DLGAP1: variants seen among roughly 807,000 people sequenced by gnomAD.
The protein encoded by DLGAP1 is DLG associated protein 1.
A neutral mutation model predicts 90.8 loss-of-function variants in DLGAP1; 11 were observed. The observed-to-expected ratio is 0.12, with a 90% CI of 0.08 to 0.20. DLGAP1 has a LOEUF of 0.20. Among genes scored for constraint, DLGAP1 ranks in the 10% least tolerant of loss-of-function variants. The probability of loss-of-function intolerance (pLI) is 1.00; values close to 1 mark genes in which losing one functional copy is unlikely to be tolerated. For missense variants in DLGAP1, 1,050 were observed against 1,333.8 expected, an observed-to-expected ratio of 0.79 and a Z score of 3.31; for synonymous variants, 558 against 540.7, an observed-to-expected ratio of 1.03 and a Z score of -0.44.
chr18:4,338,384 A>G (rs1287617441), intron 1 of DLGAP1, among the ~76,000 whole-genome samples: 2 of 152,220 alleles, frequency 1.3e-5, no homozygotes, highest in Non-Finnish European at 1.5e-5. Flanking sequence ...ATACTTCTGG[A>G]GTAAATAAAT....
chr18:3,676,410 T>C (rs1194222192), intron 7 of DLGAP1, among the ~76,000 whole-genome samples: 1 of 152,182 alleles, frequency 6.6e-6, no homozygotes, highest in Non-Finnish European at 1.5e-5. Context: ...AGAGCTGTTT[T>C]CCTTTCTTTT....
chr18:3,851,453 T>TAGA (rs1365619169), intron 4 of DLGAP1, among the ~76,000 whole-genome samples: 1 of 152,170 alleles, frequency 6.6e-6, no homozygotes, highest in Admixed American at 6.5e-5. Flanking sequence ...GAAACAATTG[T>TAGA]AGCAGCAGCA....
intron 1 of DLGAP1, among the ~76,000 whole-genome samples, chr18:4,366,707 A>G (rs56398398): frequency 0.31 from 46,983 of 149,660 alleles, 8,504 homozygotes; most frequent in South Asian, 0.49. Context: ...ACGTCCATGG[A>G]AAAAAAAAAA....
chr18:4,255,917 T>G (rs926028359), intron 1 of DLGAP1, among the ~76,000 whole-genome samples: 1 of 152,188 alleles, frequency 6.6e-6, no homozygotes, highest in Admixed American at 6.5e-5. Flanking sequence ...TTATTTGGTT[T>G]CTTTAGTGAG....
Position 3,729,031 on chromosome 18 carries a change from T to C in DLGAP1, c.1591+104A>G. The C allele has an allele frequency of 6.8e-7, 1 of 1,472,426 alleles. No individual in the cohort carries two copies. The highest frequency in any genetic ancestry group is 9.0e-7 in the Non-Finnish European group (1 of 1,107,470). 91.2% of individuals were successfully genotyped at this position (1,472,426 alleles called of 1,614,324 possible). On this transcript the variant is annotated intron_variant, in intron 7 of 12. Transcript: ENST00000315677. The surrounding 1 kb of genome is among the most constrained non-coding windows in gnomAD (Gnocchi z 6.2). ...GGTTTGTAGGACATGGGTGGTATCT[T>C]GTTCCTGGCAACTATGTGTGTTGAC... is the stretch of plus-strand genomic sequence containing the variant.
intron 1 of DLGAP1, among the ~76,000 whole-genome samples, chr18:4,341,359 T>G (rs2081184184): frequency 1.3e-5 from 2 of 152,044 alleles, no homozygotes; most frequent in South Asian, 4.1e-4. Context: ...TCCTAACACC[T>G]CTTAACAAAT....
intron 7 of DLGAP1, among the ~76,000 whole-genome samples, chr18:3,591,906 T>C (rs1408748081): frequency 3.9e-5 from 6 of 151,940 alleles, no homozygotes. Flanking sequence ...AGAAGGAATA[T>C]GAGGACCTCA....
chr18:4,278,506 G>A (rs1053294454), intron 1 of DLGAP1, among the ~76,000 whole-genome samples: 2 of 152,068 alleles, frequency 1.3e-5, no homozygotes, highest in African/African-American at 2.4e-5. Flanking sequence ...GTACACATTA[G>A]CTCCCACTTT....
chr18:4,306,533 G>C (rs980203210), intron 1 of DLGAP1, among the ~76,000 whole-genome samples: 2 of 151,652 alleles, frequency 1.3e-5, no homozygotes, highest in African/African-American at 4.8e-5. Context: ...TGGGAGAGGG[G>C]GTTGGAGGAG....
intron 1 of DLGAP1, among the ~76,000 whole-genome samples, chr18:4,308,685 T>C (rs1224821962): frequency 6.6e-6 from 1 of 152,190 alleles, no homozygotes; most frequent in African/African-American, 2.4e-5. Flanking sequence ...CAAATAGTAG[T>C]AGGTCTATGA....
chr18:3,565,664 G>A lies in DLGAP1; in HGVS notation c.2057+1826C>T, dbSNP rs768095864. ...ATCCTGGCCAACATGGTGAAACCCC[G>A]TCTCTCTTAAAAATACAAAAATTAG... On this transcript the variant is annotated intron_variant, in intron 9 of 12. Transcript: ENST00000315677. The surrounding 1 kb of genome is among the most constrained non-coding windows in gnomAD (Gnocchi z 4.0). 3.8e-4 allele frequency among the ~76,000 whole-genome samples: 58 copies of A among 151,828 alleles called. No homozygotes were observed. Among genetic ancestry groups the A allele is most frequent in the Non-Finnish European group, 4.9e-4 (33 of 67,938 alleles).
chr18:4,041,260 GTCA>G (rs745652830), intron 2 of DLGAP1, among the ~76,000 whole-genome samples: 55 of 152,190 alleles, frequency 3.6e-4, no homozygotes, highest in Middle Eastern at 6.8e-3. Context: ...GCTTATTTAT[GTCA>G]TCATCATCAT....
At position 3,848,284 on chromosome 18, in the gene DLGAP1, G is replaced by A. The variant is rs34523291; in HGVS notation, c.957+30828C>T. ...ACAGATGATAATGAAAGAGGAGGAAGAGGAGGAGGAGCAGTAGGGAGGAGG... is the reference window on the plus strand; with the variant it reads ...ACAGATGATAATGAAAGAGGAGGAAAAGGAGGAGGAGCAGTAGGGAGGAGG... On this transcript the variant is annotated intron_variant, in intron 4 of 12. Transcript: ENST00000315677. Among the ~76,000 whole-genome samples, 26 of 152,032 alleles carry A rather than the reference G, an allele frequency of 1.7e-4. 1 individual carries two copies. The South Asian group carries it at 5.4e-3, about 32-fold the overall frequency.
At chr18:3,581,567 T>C (rs1361332626) in intron 8 of DLGAP1, among the ~76,000 whole-genome samples, 1 of 151,728 alleles carries the variant, frequency 6.6e-6, no homozygotes, top group Admixed American at 6.6e-5. Context: ...CTCGTGCCAT[T>C]TGAGAGGCTG....
intron 2 of DLGAP1, among the ~76,000 whole-genome samples, chr18:4,042,773 GA>G (rs1243860023): frequency 6.6e-6 from 1 of 152,074 alleles, no homozygotes; most frequent in Non-Finnish European, 1.5e-5. Context: ...AAAATAAAAT[GA>G]AATAAAATTA....
intron 1 of DLGAP1, among the ~76,000 whole-genome samples, chr18:4,190,112 A>G (rs2144725193): frequency 6.6e-6 from 1 of 152,258 alleles, no homozygotes; most frequent in South Asian, 2.1e-4. Flanking sequence ...CAAGCAACCA[A>G]GATATCCTTT....
intron 7 of DLGAP1, among the ~76,000 whole-genome samples, chr18:3,604,561 C>G (rs1158480609): frequency 2.0e-5 from 3 of 152,172 alleles, no homozygotes; most frequent in African/African-American, 7.2e-5. Flanking sequence ...AGTACACGAT[C>G]CCTTTATCTG....
chr18:3,814,250 C>T lies in DLGAP1; in HGVS notation c.981G>A (p.Gly327=), dbSNP rs1472258600. ...CATCATCTTTACCTCGTGGGGTGTA[C>T]CCTGTCCATTCATCTTGTGGAACCT... is the stretch of plus-strand genomic sequence containing the variant. ...YLQVPQDEWT[G]YTPRGKDDEI... Residue 327 remains glycine (G), a synonymous_variant, in exon 5 of 13, where the codon GGG becomes GGA. Transcript: ENST00000315677. 2.5e-6 allele frequency: 4 copies of T among 1,614,028 alleles called. No homozygotes were observed. The highest frequency in any genetic ancestry group is 2.2e-5 in the South Asian group (2 of 91,088).
intron 1 of DLGAP1, among the ~76,000 whole-genome samples, chr18:4,307,146 C>T (rs759840155): frequency 7.9e-5 from 12 of 152,144 alleles, no homozygotes; most frequent in African/African-American, 1.2e-4. Flanking sequence ...TGTTAATGTG[C>T]TATAGGAGAG....
Sources: allele counts gnomAD v4.1 joint callset (sites outside exome capture counted in the v4.1 genomes callset), GRCh38; gene constraint gnomAD v4.1.1; non-coding constraint Gnocchi (gnomAD v3.1); transcripts MANE v1.5; gene names NCBI Gene and HGNC (gene_info 2026-07-23, HGNC 2026-07-21).